RGS6: variants seen among roughly 807,000 people sequenced by gnomAD.
RGS6 encodes regulator of G-protein signaling 6.
RGS6 carries 30 observed loss-of-function variants against 78.5 expected under a neutral mutation model. The observed-to-expected ratio is 0.38, with a 90% CI of 0.29 to 0.52. The LOEUF (loss-of-function observed/expected upper bound fraction) is 0.52. RGS6 is among the 20% of genes least tolerant of loss of function. RGS6 has a pLI of 0.85. For synonymous variants in RGS6, 206 were observed against 206.0 expected, an observed-to-expected ratio of 1.00 and a Z score of 0.00; for missense variants, 495 against 609.7, an observed-to-expected ratio of 0.81 and a Z score of 1.98.
intron 2 of RGS6, among the ~76,000 whole-genome samples, chr14:72,099,817 T>A (rs2095490880): frequency 6.6e-6 from 1 of 152,240 alleles, no homozygotes; most frequent in Non-Finnish European, 1.5e-5. Flanking sequence ...TTAGTAGTCA[T>A]GGTTACTTTT....
the RGS6 span, among the ~76,000 whole-genome samples, chr14:71,899,861 T>C: frequency 3.3e-5 from 5 of 152,254 alleles, no homozygotes; most frequent in Non-Finnish European, 4.4e-5. Context: ...TTAACAGTTG[T>C]ATTTATGTCC....
Position 72,362,601 on chromosome 14 carries a change from A to G in RGS6, c.184+10407A>G, listed in dbSNP as rs547020919. On this transcript the variant is annotated intron_variant, in intron 3 of 17. Coordinates refer to ENST00000553525, the MANE Select transcript of RGS6 (RefSeq NM_001204424.2). ...TTCTCCATGTCACCTTGTATCTGCC[A>G]ATAGGTTAGATTGGGCTTCTTCACA... 2.0e-5 allele frequency among the ~76,000 whole-genome samples: 3 copies of G among 152,268 alleles called. No individual in the cohort carries two copies. In the East Asian group the frequency reaches 5.8e-4, roughly 29 times the overall value.
At chr14:72,052,857 G>GA (rs1263654800) in intron 2 of RGS6, among the ~76,000 whole-genome samples, 1 of 151,728 alleles carries the variant, frequency 6.6e-6, no homozygotes, top group East Asian at 1.9e-4. Flanking sequence ...TCCGATTTCA[G>GA]ACCCCCAGAG....
chr14:71,940,762 C>T, intron 1 of RGS6, among the ~76,000 whole-genome samples: 1 of 152,216 alleles, frequency 6.6e-6, no homozygotes, highest in East Asian at 1.9e-4. Context: ...TTACAGGGCT[C>T]TTCAAAGATG....
At chr14:72,561,486 C>T (rs115680509) in intron 17 of RGS6, among the ~76,000 whole-genome samples, 1,621 of 152,296 alleles carry the variant, frequency 0.011, 35 homozygotes, top group African/African-American at 0.037. Context: ...AGCTGGAGAA[C>T]GGGCACACAC....
At chr14:72,166,526 G>C (rs1307830756) in intron 2 of RGS6, among the ~76,000 whole-genome samples, 2 of 152,178 alleles carry the variant, frequency 1.3e-5, no homozygotes, top group Non-Finnish European at 2.9e-5. Context: ...AGATGGAGAA[G>C]ATCTCATTAT....
chr14:72,489,827 C>T (rs371344112), intron 12 of RGS6, among the ~76,000 whole-genome samples: 40 of 152,310 alleles, frequency 2.6e-4, no homozygotes, highest in African/African-American at 8.9e-4. Context: ...AGACTTCTAG[C>T]CTCCAAAACC....
the RGS6 span, among the ~76,000 whole-genome samples, chr14:72,586,420 T>C: frequency 1.1e-4 from 16 of 152,284 alleles, no homozygotes; most frequent in Non-Finnish European, 1.8e-4. Flanking sequence ...CTCCTTCCCC[T>C]TCCACCATGG....
At chr14:72,330,834 T>C (rs2074852141) in intron 2 of RGS6, among the ~76,000 whole-genome samples, 1 of 150,496 alleles carries the variant, frequency 6.6e-6, no homozygotes, top group Admixed American at 6.6e-5. Context: ...CCTGCAGAGA[T>C]TTTTTTTTTC....
chr14:72,304,278 A>G (rs1323197156), intron 2 of RGS6, among the ~76,000 whole-genome samples: 1 of 152,128 alleles, frequency 6.6e-6, no homozygotes, highest in African/African-American at 2.4e-5. Context: ...ACCTTCTCAT[A>G]TTATTTAGGG....
intron 2 of RGS6, among the ~76,000 whole-genome samples, chr14:72,183,831 G>C (rs1215322155): frequency 1.3e-5 from 2 of 152,096 alleles, no homozygotes; most frequent in Admixed American, 1.3e-4. Flanking sequence ...TGTGCCTTGA[G>C]GGGGAAGGAG....
chr14:71,985,422 A>G (rs1188901112), intron 2 of RGS6, among the ~76,000 whole-genome samples: 1 of 152,184 alleles, frequency 6.6e-6, no homozygotes, highest in Admixed American at 6.5e-5. Flanking sequence ...GCACCTGGCT[A>G]TCATAGTTTT....
chr14:72,495,005 G>A (rs2096626033), intron 12 of RGS6, 147 bp from the exon 13 acceptor site: 1 of 600,242 alleles, frequency 1.7e-6, no homozygotes, highest in Admixed American at 2.8e-5. Flanking sequence ...AATGAAAACA[G>A]TTTGATGTGT....
chr14:72,156,710 A>G (rs1348368420), intron 2 of RGS6, among the ~76,000 whole-genome samples: 1 of 123,248 alleles, frequency 8.1e-6, no homozygotes, highest in Non-Finnish European at 1.7e-5. Context: ...GCAGGAAACA[A>G]TCAAGTAAGG....
chr14:72,248,673 G>C (rs2054855602), intron 2 of RGS6, among the ~76,000 whole-genome samples: 1 of 152,324 alleles, frequency 6.6e-6, no homozygotes, highest in Non-Finnish European at 1.5e-5. Context: ...ACTGAATCCA[G>C]TGGAAAAATT....
intron 2 of RGS6, among the ~76,000 whole-genome samples, chr14:72,254,479 G>A (rs1345395819): frequency 1.3e-5 from 2 of 152,028 alleles, no homozygotes; most frequent in Non-Finnish European, 2.9e-5. Flanking sequence ...GTGCATGCCT[G>A]AGAGTTGCTT....
chr14:72,041,903 A>G (rs762503836), intron 2 of RGS6, among the ~76,000 whole-genome samples: 4 of 152,082 alleles, frequency 2.6e-5, no homozygotes, highest in Admixed American at 1.3e-4. Context: ...TAGAAATGTC[A>G]TTGTATTGGG....
chr14:71,959,514 T>A (rs2093037892), intron 1 of RGS6, among the ~76,000 whole-genome samples: 1 of 152,226 alleles, frequency 6.6e-6, no homozygotes, highest in African/African-American at 2.4e-5. Flanking sequence ...TTTTGAGGGC[T>A]GGGCACTAAG....
chr14:72,613,422 T>C, the RGS6 span, among the ~76,000 whole-genome samples: 2 of 152,228 alleles, frequency 1.3e-5, no homozygotes, highest in African/African-American at 4.8e-5. Flanking sequence ...TGCCTTCCTC[T>C]GGCCTGCCCT....
Sources: gnomAD v4.1 joint callset for allele counts (sites outside exome capture counted in the v4.1 genomes callset) on GRCh38, gnomAD v4.1.1 for gene constraint, MANE v1.5 for transcripts, NCBI Gene and HGNC (gene_info 2026-07-23, HGNC 2026-07-21) for gene names.